Variants in LIPA observed in about 807,000 individuals in gnomAD.
LIPA encodes the protein lipase A, lysosomal acid type.
In LIPA, 26 loss-of-function variants were observed where a neutral mutation model predicts 40.6. That is an observed-to-expected ratio of 0.64 (90% CI 0.47 to 0.89). LIPA has a LOEUF of 0.89. Ranked by LOEUF, LIPA falls within the 40% of genes least tolerant of loss-of-function variation. LIPA has a pLI of 0.00. For synonymous variants in LIPA, 188 were observed against 168.4 expected, an observed-to-expected ratio of 1.12 and a Z score of -0.90; for missense variants, 455 against 479.6, an observed-to-expected ratio of 0.95 and a Z score of 0.48.
At chr10:89,321,832 A>G (rs1274633376) in intron 1 of LIPA, among the ~76,000 whole-genome samples, 3 of 152,194 alleles carry the variant, frequency 2.0e-5, no homozygotes, top group Non-Finnish European at 4.4e-5. Context: ...ATGTCCATCA[A>G]TGATAGACTG....
intron 2 of LIPA, among the ~76,000 whole-genome samples, chr10:89,364,441 G>A (rs1258612187): frequency 1.3e-5 from 2 of 152,112 alleles, no homozygotes; most frequent in Non-Finnish European, 2.9e-5. Flanking sequence ...CAAAGCACAT[G>A]GGCAGAAAGA....
At position 89,402,387 on chromosome 10, in the gene LIPA, A is replaced by G. The variant is rs906203095; in HGVS notation, c.61+10404T>C. The G allele has an allele frequency of 2.5e-6, 4 of 1,614,068 alleles. No homozygotes were observed. The Admixed American group carries it at 6.7e-5, about 27-fold the overall frequency. ...CGATGAAATGCCTGATTTAGAAAAC[A>G]GAGTCTTGGATCAGATTGAATTCCT... On this transcript the variant is annotated intron_variant, in intron 2 of 8. Coordinates refer to the LIPA transcript ENST00000371837.
At chr10:89,341,167 T>C (rs191026319) in intron 1 of LIPA, among the ~76,000 whole-genome samples, 26 of 152,332 alleles carry the variant, frequency 1.7e-4, no homozygotes, top group Admixed American at 9.8e-4. Context: ...TATGACTGTC[T>C]TTCCAGCCTA....
rs1589628935 is a variant in LIPA, at chr10:89,385,001, G to A, written c.61+27790C>T. The A allele has an allele frequency of 4.8e-5, 20 of 417,804 alleles. 1 individual carries two copies. The South Asian group carries it at 7.9e-4, about 17-fold the overall frequency. 25.9% of individuals were successfully genotyped at this position (417,804 alleles called of 1,614,324 possible). A position where few individuals can be genotyped will look rare whatever the true frequency, so the allele number is the denominator to read the frequency against. On this transcript the variant is annotated intron_variant, in intron 2 of 8. Coordinates refer to the LIPA transcript ENST00000371837. Reference sequence around the variant, plus strand: ...ATGGAATGGTAAAGCAATCTTTCTTGGAACATAGCAAGTAGTAACCGATCA... The same window carrying A: ...ATGGAATGGTAAAGCAATCTTTCTTAGAACATAGCAAGTAGTAACCGATCA...
intron 1 of LIPA, among the ~76,000 whole-genome samples, chr10:89,293,874 G>A (rs1564777993): frequency 6.6e-6 from 1 of 152,156 alleles, no homozygotes; most frequent in Non-Finnish European, 1.5e-5. Flanking sequence ...GAGGGTTAGG[G>A]CTTCAATGAT....
intron 1 of LIPA, chr10:89,278,051 T>A (rs1843297608): frequency 1.3e-5 from 2 of 152,176 alleles, no homozygotes; most frequent in African/African-American, 4.8e-5. Flanking sequence ...TTAGTTTCCC[T>A]CTTTTTGATC....
intron 2 of LIPA, among the ~76,000 whole-genome samples, chr10:89,363,708 C>T (rs576970622): frequency 3.1e-5 from 4 of 128,378 alleles, no homozygotes; most frequent in African/African-American, 8.9e-5. Flanking sequence ...ACCCGAGAGG[C>T]GGAGCTTGCA....
At chr10:89,383,257 C>T (rs977349330) in intron 2 of LIPA, 6 of 1,428,360 alleles carry the variant, frequency 4.2e-6, no homozygotes, top group Non-Finnish European at 5.8e-6. Flanking sequence ...GAAGTGCTGG[C>T]TTCATTTTCA....
At chr10:89,279,738 T>C (rs1344815626) in intron 1 of LIPA, among the ~76,000 whole-genome samples, 1 of 152,188 alleles carries the variant, frequency 6.6e-6, no homozygotes, top group African/African-American at 2.4e-5. Context: ...TTTTCCAGCC[T>C]AAACCTGGCC....
At position 89,247,454 on chromosome 10, in the gene LIPA, G is replaced by GT. The variant is rs1843041532; in HGVS notation, c.111+83dup. On this transcript the variant is annotated intron_variant, in intron 2 of 9. Coordinates refer to ENST00000336233, the MANE Select transcript of LIPA (RefSeq NM_000235.4). ...GCAAAGGAGTTATAAAGAGATGAAT[G>GT]TATGGGTATGGCTTCATGTAGCTCA... 4.8e-6 allele frequency: 3 copies of GT among 629,388 alleles called. No homozygotes were observed. In the African/African-American group the frequency reaches 5.5e-5, roughly 12 times the overall value. The allele number at this position is 629,388 out of a possible 1,614,324, so 39.0% of individuals were successfully genotyped here. A position where few individuals can be genotyped will look rare whatever the true frequency, so the allele number is the denominator to read the frequency against.
At chr10:89,221,755 G>A (rs1391617859) in intron 8 of LIPA, among the ~76,000 whole-genome samples, 26 of 152,154 alleles carry the variant, frequency 1.7e-4, no homozygotes, top group Admixed American at 1.6e-3. Flanking sequence ...GTAAGCAGGA[G>A]AAAAATCAAT....
intron 1 of LIPA, among the ~76,000 whole-genome samples, chr10:89,315,857 T>G (rs1043021795): frequency 1.3e-5 from 2 of 152,154 alleles, no homozygotes; most frequent in African/African-American, 2.4e-5. Flanking sequence ...CAGAGATAAT[T>G]AAATCTAGGT....
At position 89,222,572 on chromosome 10, in the gene LIPA, T is replaced by C; in HGVS notation, c.833A>G (p.Asp278Gly). The change falls in exon 8 of 10, where the codon GAT becomes GGT. Residue 278 changes from aspartate to glycine, a missense_variant. Transcript: ENST00000336233. The part of the protein sequence containing the change: ...NERNLNMSRV[D>G]VYTTHSPAGT... ...AGCAGGAGAATGTGTTGTATATACA[T>C]CCACTCTAGACTGCAAAATAAATAC... is the stretch of plus-strand genomic sequence containing the variant. 6.3e-7 allele frequency: 1 copy of C among 1,594,156 alleles called. No homozygotes were observed. The highest frequency in any genetic ancestry group is 8.6e-7 in the Non-Finnish European group (1 of 1,161,780).
chr10:89,307,636 A>T (rs1379008588), intron 1 of LIPA: 4 of 350,092 alleles, frequency 1.1e-5, no homozygotes, highest in African/African-American at 6.1e-5. Flanking sequence ...TCTTGAGTGC[A>T]ATTTGAACTG....
intron 2 of LIPA, among the ~76,000 whole-genome samples, chr10:89,361,694 G>A (rs1844022415): frequency 6.6e-6 from 1 of 152,046 alleles, no homozygotes; most frequent in South Asian, 2.1e-4. Flanking sequence ...ATATCATGAT[G>A]TTGATAATTT....
Position 89,399,463 on chromosome 10 carries a change from G to A in LIPA, c.61+13328C>T, listed in dbSNP as rs149105217. 1.7e-3 allele frequency among the ~76,000 whole-genome samples: 255 copies of A among 152,222 alleles called. 2 individuals are homozygous for A. The highest frequency in any genetic ancestry group is 5.9e-3 in the African/African-American group (247 of 41,526). ...ATCACTGCCAATTGCCAAATCCAAT[G>A]TTACAAAGCTTTTTCCTTTCTTCTG... On this transcript the variant is annotated intron_variant, in intron 2 of 8. Coordinates refer to the LIPA transcript ENST00000371837.
At chr10:89,283,779 G>C (rs1220711428) in intron 1 of LIPA, 1 of 152,234 alleles carries the variant, frequency 6.6e-6, no homozygotes, top group Non-Finnish European at 1.5e-5. Flanking sequence ...CAGCAGCACA[G>C]TGCTTCCTTT....
chr10:89,372,897 T>G (rs1425249971), intron 2 of LIPA, among the ~76,000 whole-genome samples: 1 of 152,244 alleles, frequency 6.6e-6, no homozygotes, highest in African/African-American at 2.4e-5. Flanking sequence ...CCTGAGGACT[T>G]TTCCAATAGA....
intron 2 of LIPA, among the ~76,000 whole-genome samples, chr10:89,386,977 G>A (rs1373752219): frequency 6.9e-6 from 1 of 143,956 alleles, no homozygotes; most frequent in African/African-American, 2.7e-5. Context: ...GTGTGTGAGA[G>A]AGAGAGAGAG....
Sources: gnomAD v4.1 joint callset for allele counts (sites outside exome capture counted in the v4.1 genomes callset) on GRCh38, gnomAD v4.1.1 for gene constraint, MANE v1.5 for transcripts, NCBI Gene and HGNC (gene_info 2026-07-23, HGNC 2026-07-21) for gene names.